Variants in H2AZ2 observed in about 807,000 individuals in gnomAD.
H2AZ2 encodes histone H2A.V.
In H2AZ2, 5 loss-of-function variants were observed where a neutral mutation model predicts 15.5. The observed-to-expected ratio is 0.32, with a 90% CI of 0.17 to 0.68. H2AZ2 has a LOEUF of 0.68. Among genes scored for constraint, H2AZ2 ranks in the 30% least tolerant of loss-of-function variants. The pLI, the probability that H2AZ2 is intolerant of heterozygous loss-of-function variation, is 0.72. For missense variants in H2AZ2, 42 were observed against 162.5 expected (o/e 0.26, Z 4.03); for synonymous variants, 44 against 57.4 (o/e 0.77, Z 1.05).
downstream of H2AZ2, chr7:44,828,016 T>A (rs1452191905): frequency 6.6e-6 from 1 of 152,212 alleles, no homozygotes; most frequent in Non-Finnish European, 1.5e-5. Flanking sequence ...GAGCTAATTG[T>A]CAGGCACTCC....
rs1160986868 is a variant in H2AZ2 at position 44,848,065 on chromosome 7, G to C, written c.-94C>G. The C allele has an allele frequency of 1.3e-6, 1 of 751,002 alleles. No individual in the cohort carries two copies. The allele number at this position is 751,002 out of a possible 1,614,324, so 46.5% of individuals were successfully genotyped here. Reference sequence around the variant, plus strand: ...CGCTCTCGCAGCACCGACCGCCGCCGCCGGAGCCGGACAATACCCCGTGCC... The same window carrying C: ...CGCTCTCGCAGCACCGACCGCCGCCCCCGGAGCCGGACAATACCCCGTGCC... On this transcript the variant is annotated 5_prime_UTR_variant, in exon 1 of 5. Transcript: ENST00000308153.
intron 1 of H2AZ2, 146 bp from the exon 2 acceptor site, chr7:44,843,500 G>T (rs769743208): frequency 3.3e-6 from 2 of 597,516 alleles, no homozygotes; most frequent in Non-Finnish European, 6.0e-6. Context: ...ATATACATGG[G>T]ATTCTATCAC....
Position 44,833,284 on chromosome 7 carries a change from G to A in H2AZ2, c.*1217C>T, listed in dbSNP as rs1793036337. On this transcript the variant is annotated 3_prime_UTR_variant, in exon 5 of 5. Transcript: ENST00000308153. ...AGTCTTGCTCAGTCGCCAAGCTGGA[G>A]TGCAGTGGCGCCATCTTGGCTCACT... Among the ~76,000 whole-genome samples, 1 of 152,134 alleles carries A rather than the reference G, an allele frequency of 6.6e-6. No homozygotes were observed. The highest frequency in any genetic ancestry group is 2.4e-5 in the African/African-American group (1 of 41,434).
downstream of H2AZ2, chr7:44,827,066 T>C (rs1792934869): frequency 2.0e-5 from 3 of 152,214 alleles, no homozygotes; most frequent in South Asian, 2.1e-4. Context: ...AAATTTATTA[T>C]GTAATACACT....
chr7:44,847,851 C>T (rs1268205192), intron 1 of H2AZ2, 118 bp downstream of exon 1: 3 of 1,386,522 alleles, frequency 2.2e-6, no homozygotes, highest in Non-Finnish European at 1.9e-6. Context: ...AGGGGCTCGG[C>T]CGGACGAAGC....
downstream of H2AZ2, among the ~76,000 whole-genome samples, chr7:44,831,536 C>A (rs560434826): frequency 4.6e-5 from 7 of 151,844 alleles, no homozygotes; most frequent in African/African-American, 1.5e-4. Context: ...GCACTCCCCC[C>A]CCCGCTTCTT....
At chr7:44,829,970 T>C (rs770543813), downstream of H2AZ2, 75 of 564,294 alleles carry the variant, frequency 1.3e-4, no homozygotes, top group Non-Finnish European at 2.1e-4. Flanking sequence ...AAAGCTGCTC[T>C]GAAGCAGATC....
At chr7:44,844,118 C>T (rs1293784133) in intron 1 of H2AZ2, among the ~76,000 whole-genome samples, 2 of 151,064 alleles carry the variant, frequency 1.3e-5, no homozygotes, top group African/African-American at 2.4e-5. Flanking sequence ...TAGGTATACA[C>T]CTAAAAATTG....
At chr7:44,831,344 GTTCTAT>G (rs144471471), downstream of H2AZ2, among the ~76,000 whole-genome samples, 997 of 152,196 alleles carry the variant, frequency 6.6e-3, 11 homozygotes, top group African/African-American at 0.023. Flanking sequence ...TGACCTAGTT[GTTCTAT>G]TTCTATGTTT....
intron 2 of H2AZ2, among the ~76,000 whole-genome samples, chr7:44,842,316 C>T (rs1442355819): frequency 6.6e-6 from 1 of 152,234 alleles, no homozygotes; most frequent in Non-Finnish European, 1.5e-5. Flanking sequence ...TCATCCATAA[C>T]ATAAACTATC....
At chr7:44,831,637 A>G (rs1345084013), downstream of H2AZ2, among the ~76,000 whole-genome samples, 2 of 151,992 alleles carry the variant, frequency 1.3e-5, no homozygotes, top group Admixed American at 6.6e-5. Flanking sequence ...ATTCAATCAG[A>G]ATTTGAAATT....
Sources: allele counts gnomAD v4.1 joint callset (sites outside exome capture counted in the v4.1 genomes callset), GRCh38; gene constraint gnomAD v4.1.1; transcripts MANE v1.5; gene names NCBI Gene and HGNC (gene_info 2026-07-23, HGNC 2026-07-21).